Variants in NXPH2 observed in about 807,000 individuals in gnomAD.
The protein encoded by NXPH2 is neurexophilin-2.
A neutral mutation model predicts 19.8 loss-of-function variants in NXPH2; 5 were observed. That is an observed-to-expected ratio of 0.25 (90% CI 0.13 to 0.53). The LOEUF is 0.53. Among genes scored for constraint, NXPH2 ranks in the 20% least tolerant of loss-of-function variants. The pLI is 0.96. For missense variants in NXPH2, 289 were observed against 322.8 expected, an observed-to-expected ratio of 0.90 and a Z score of 0.80; for synonymous variants, 154 against 127.4, an observed-to-expected ratio of 1.21 and a Z score of -1.41.
At chr2:138,716,504 C>T (rs1350443783) in intron 1 of NXPH2, among the ~76,000 whole-genome samples, 1 of 152,136 alleles carries the variant, frequency 6.6e-6, no homozygotes, top group Non-Finnish European at 1.5e-5. Context: ...TTTCCAATCT[C>T]CAGAACTGTG....
intron 1 of NXPH2, among the ~76,000 whole-genome samples, chr2:138,737,907 C>A (rs1311399713): frequency 3.3e-5 from 5 of 151,314 alleles, no homozygotes; most frequent in Admixed American, 3.3e-4. Context: ...AACAGAACAC[C>A]TTCATTTTCT....
chr2:138,752,263 G>A (rs983680641), intron 1 of NXPH2, among the ~76,000 whole-genome samples: 17 of 152,188 alleles, frequency 1.1e-4, no homozygotes, highest in Non-Finnish European at 1.6e-4. Context: ...ACACTGTCCC[G>A]GTGGGGTTGT....
intron 1 of NXPH2, among the ~76,000 whole-genome samples, chr2:138,705,376 G>C (rs562115368): frequency 6.6e-6 from 1 of 152,094 alleles, no homozygotes; most frequent in African/African-American, 2.4e-5. Context: ...GGCATTTTGA[G>C]ACAATAAATA....
At chr2:138,682,677 T>C (rs1680595849) in intron 1 of NXPH2, among the ~76,000 whole-genome samples, 1 of 152,192 alleles carries the variant, frequency 6.6e-6, no homozygotes, top group South Asian at 2.1e-4. Flanking sequence ...TATTCTAAAT[T>C]GATACAGGAA....
At chr2:138,693,066 T>C (rs1680767619) in intron 1 of NXPH2, among the ~76,000 whole-genome samples, 1 of 152,198 alleles carries the variant, frequency 6.6e-6, no homozygotes, top group African/African-American at 2.4e-5. Flanking sequence ...CTCTTTTCCA[T>C]ATTATTTCTT....
intron 1 of NXPH2, among the ~76,000 whole-genome samples, chr2:138,735,270 T>C (rs917039627): frequency 6.6e-6 from 1 of 152,130 alleles, no homozygotes; most frequent in African/African-American, 2.4e-5. Flanking sequence ...TCTGTTTTCA[T>C]GATGCTGATA....
chr2:138,734,764 G>A (rs1681513625), intron 1 of NXPH2, among the ~76,000 whole-genome samples: 1 of 152,180 alleles, frequency 6.6e-6, no homozygotes, highest in African/African-American at 2.4e-5. Flanking sequence ...CCCAAGATTT[G>A]TGCTTTTGTG....
chr2:138,773,968 G>C (rs532186729), intron 1 of NXPH2, among the ~76,000 whole-genome samples: 181 of 152,128 alleles, frequency 1.2e-3, no homozygotes, highest in Non-Finnish European at 1.9e-3. Flanking sequence ...CAGTTTTTTT[G>C]TTTGTTTTAT....
intron 1 of NXPH2, among the ~76,000 whole-genome samples, chr2:138,736,305 C>G (rs1432922659): frequency 6.6e-6 from 1 of 152,344 alleles, no homozygotes; most frequent in African/African-American, 2.4e-5. Flanking sequence ...CAAGCATTTC[C>G]ATACATCCTC....
intron 1 of NXPH2, among the ~76,000 whole-genome samples, chr2:138,695,835 A>C (rs1041910092): frequency 6.6e-6 from 1 of 152,154 alleles, no homozygotes; most frequent in African/African-American, 2.4e-5. Context: ...TACTGTGGTA[A>C]GCAGATAAGT....
chr2:138,723,559 C>A (rs995842590), intron 1 of NXPH2, among the ~76,000 whole-genome samples: 1 of 152,162 alleles, frequency 6.6e-6, no homozygotes, highest in Non-Finnish European at 1.5e-5. Context: ...CATGTGGAAC[C>A]CTGGCCCTAG....
chr2:138,749,587 T>C (rs143340452), intron 1 of NXPH2, among the ~76,000 whole-genome samples: 274 of 152,312 alleles, frequency 1.8e-3, no homozygotes, highest in Non-Finnish European at 3.1e-3. Context: ...CTTTATGCTT[T>C]ATCTTTCATC....
intron 1 of NXPH2, among the ~76,000 whole-genome samples, chr2:138,776,772 G>A (rs1441788806): frequency 6.6e-6 from 1 of 151,930 alleles, no homozygotes; most frequent in Admixed American, 6.6e-5. Flanking sequence ...ATTCTTGTAA[G>A]TACAGAAGAA....
chr2:138,712,160 C>T (rs73961514), intron 1 of NXPH2, among the ~76,000 whole-genome samples: 2 of 152,188 alleles, frequency 1.3e-5, no homozygotes, highest in Admixed American at 6.5e-5. Flanking sequence ...TGTGTGTGCA[C>T]GTGCATCGCA....
At chr2:138,698,959 G>A (rs1680875871) in intron 1 of NXPH2, among the ~76,000 whole-genome samples, 1 of 152,138 alleles carries the variant, frequency 6.6e-6, no homozygotes, top group Admixed American at 6.6e-5. Context: ...TGCCCGGAGA[G>A]TAAATAATTA....
intron 1 of NXPH2, among the ~76,000 whole-genome samples, chr2:138,760,569 A>G (rs1336676500): frequency 6.6e-6 from 1 of 152,204 alleles, no homozygotes; most frequent in Non-Finnish European, 1.5e-5. Context: ...TTCTAAAACT[A>G]AGTAGAACTA....
At chr2:138,680,183 C>T (rs1304639163) in intron 1 of NXPH2, among the ~76,000 whole-genome samples, 5 of 152,154 alleles carry the variant, frequency 3.3e-5, no homozygotes, top group African/African-American at 4.8e-5. Context: ...TTAACCATCC[C>T]AGCACACTGT....
intron 1 of NXPH2, among the ~76,000 whole-genome samples, chr2:138,745,464 C>CTATG: frequency 7.5e-6 from 1 of 133,838 alleles, no homozygotes; most frequent in Non-Finnish European, 1.5e-5. Context: ...GGTGCAATGC[C>CTATG]TATGCACATC....
intron 1 of NXPH2, among the ~76,000 whole-genome samples, chr2:138,750,734 A>G (rs1371607554): frequency 3.3e-5 from 5 of 151,588 alleles, no homozygotes; most frequent in African/African-American, 1.2e-4. Context: ...ACAAGTAAAA[A>G]GAGATGTATA....
Sources: allele counts gnomAD v4.1 joint callset (sites outside exome capture counted in the v4.1 genomes callset), GRCh38; gene constraint gnomAD v4.1.1; transcripts MANE v1.5; gene names NCBI Gene and HGNC (gene_info 2026-07-23, HGNC 2026-07-21).